MDFIC2: variants seen among roughly 807,000 people sequenced by gnomAD.
MDFIC2 encodes the protein MyoD family inhibitor domain containing 2, also known as myoD family inhibitor domain-containing protein 2.
intron 2 of MDFIC2, among the ~76,000 whole-genome samples, chr3:70,223,879 T>C (rs1227774878): frequency 1.3e-5 from 2 of 152,180 alleles, no homozygotes; most frequent in African/African-American, 4.8e-5. Context: ...TTTATCGTGC[T>C]CTTTCTCTTA....
chr3:70,248,900 T>C (rs959457770), intron 2 of MDFIC2, among the ~76,000 whole-genome samples: 1 of 152,150 alleles, frequency 6.6e-6, no homozygotes, highest in Admixed American at 6.6e-5. Context: ...GTAAATCTAC[T>C]TACCAGGAAA....
At chr3:70,277,191 A>G (rs928682029) in intron 2 of MDFIC2, among the ~76,000 whole-genome samples, 1 of 152,220 alleles carries the variant, frequency 6.6e-6, no homozygotes, top group Admixed American at 6.5e-5. Context: ...AGGCTGGAAC[A>G]ATGAACATAG....
chr3:70,303,108 CT>C (rs1289720812), intron 2 of MDFIC2, among the ~76,000 whole-genome samples: 1 of 152,154 alleles, frequency 6.6e-6, no homozygotes, highest in Admixed American at 6.5e-5. Context: ...ACATTCAGTG[CT>C]TCATCAACAG....
intron 2 of MDFIC2, among the ~76,000 whole-genome samples, chr3:70,306,875 T>C (rs1311905550): frequency 1.3e-5 from 2 of 152,204 alleles, no homozygotes; most frequent in African/African-American, 4.8e-5. Flanking sequence ...GTCTTGACTT[T>C]GCTCATATGT....
At chr3:70,237,945 A>C (rs1338523164) in intron 2 of MDFIC2, among the ~76,000 whole-genome samples, 1 of 147,106 alleles carries the variant, frequency 6.8e-6, no homozygotes, top group Non-Finnish European at 1.5e-5. Flanking sequence ...GATAATCCTA[A>C]AAGAGAAGGG....
At chr3:70,267,862 C>G (rs942469103) in intron 2 of MDFIC2, among the ~76,000 whole-genome samples, 1 of 151,966 alleles carries the variant, frequency 6.6e-6, no homozygotes, top group Non-Finnish European at 1.5e-5. Context: ...ATCCAGATAA[C>G]TTGTTTACCT....
chr3:70,296,983 A>G (rs1173656890), intron 2 of MDFIC2, among the ~76,000 whole-genome samples: 1 of 151,676 alleles, frequency 6.6e-6, no homozygotes. Flanking sequence ...TAATATCCCC[A>G]TGCTCCCCAA....
chr3:70,308,396 A>T (rs1030788778), intron 2 of MDFIC2, among the ~76,000 whole-genome samples: 1 of 152,110 alleles, frequency 6.6e-6, no homozygotes, highest in Non-Finnish European at 1.5e-5. Flanking sequence ...TTATCCGATT[A>T]TCTTAAAAGA....
intron 2 of MDFIC2, among the ~76,000 whole-genome samples, chr3:70,286,529 C>A (rs1264369630): frequency 6.6e-6 from 1 of 151,764 alleles, no homozygotes; most frequent in Non-Finnish European, 1.5e-5. Flanking sequence ...TTAGGATTGA[C>A]TTGGTGATGC....
intron 2 of MDFIC2, among the ~76,000 whole-genome samples, chr3:70,234,946 G>C (rs890792515): frequency 2.6e-5 from 4 of 152,090 alleles, no homozygotes; most frequent in Non-Finnish European, 5.9e-5. Flanking sequence ...TGATTTATTT[G>C]GTCTGGAGTG....
rs965995163 is a variant in MDFIC2 at position 70,195,615 on chromosome 3, C to T, written c.*1311G>A. Among the ~76,000 whole-genome samples, 3 of 152,128 alleles carry T rather than the reference C, an allele frequency of 2.0e-5. No individual in the cohort carries two copies. Among genetic ancestry groups the T allele is most frequent in the Non-Finnish European group, 2.9e-5 (2 of 68,018 alleles). On this transcript the variant is annotated 3_prime_UTR_variant, in exon 4 of 4. Coordinates refer to ENST00000567252, the MANE Select transcript of MDFIC2 (RefSeq NM_001364677.1). ...GCTTTCTTTTGTTGTTGCTGTTTCC[C>T]TAAATTACACACAAAAAAATTCCCT...
At chr3:70,200,049 T>C (rs1701223181) in intron 3 of MDFIC2, among the ~76,000 whole-genome samples, 1 of 152,178 alleles carries the variant, frequency 6.6e-6, no homozygotes, top group Non-Finnish European at 1.5e-5. Flanking sequence ...TTTGTCATTT[T>C]GCTTTTCCTC....
intron 2 of MDFIC2, among the ~76,000 whole-genome samples, chr3:70,275,260 C>T (rs1702012451): frequency 1.3e-5 from 2 of 152,168 alleles, no homozygotes; most frequent in South Asian, 4.1e-4. Flanking sequence ...CAGTGGCTTA[C>T]ACCTGTAATC....
chr3:70,280,835 C>G (rs992143464), intron 2 of MDFIC2, among the ~76,000 whole-genome samples: 1 of 152,124 alleles, frequency 6.6e-6, no homozygotes, highest in African/African-American at 2.4e-5. Flanking sequence ...AGAGACGGTA[C>G]TGCCCCACAC....
chr3:70,250,409 TCTCACA>T (rs1211013901), intron 2 of MDFIC2, among the ~76,000 whole-genome samples: 9,987 of 126,248 alleles, frequency 0.079, 493 homozygotes, highest in East Asian at 0.19. Context: ...TTTTAATGAA[TCTCACA>T]CACACACACA....
intron 2 of MDFIC2, among the ~76,000 whole-genome samples, chr3:70,262,920 C>T (rs1399890833): frequency 6.6e-6 from 1 of 152,136 alleles, no homozygotes; most frequent in Non-Finnish European, 1.5e-5. Flanking sequence ...TGGATAGTTT[C>T]TGTTGCTACA....
At chr3:70,226,367 A>C (rs1701507217) in intron 2 of MDFIC2, among the ~76,000 whole-genome samples, 1 of 152,184 alleles carries the variant, frequency 6.6e-6, no homozygotes, top group Non-Finnish European at 1.5e-5. Flanking sequence ...GTGGATGCAA[A>C]GCCCAGGAAT....
intron 2 of MDFIC2, among the ~76,000 whole-genome samples, chr3:70,276,270 A>G (rs977842819): frequency 6.6e-6 from 1 of 152,278 alleles, no homozygotes; most frequent in East Asian, 1.9e-4. Context: ...TAAAAGCATA[A>G]ATATTATTCT....
At chr3:70,252,104 G>C (rs1159199071) in intron 2 of MDFIC2, among the ~76,000 whole-genome samples, 2 of 152,186 alleles carry the variant, frequency 1.3e-5, no homozygotes, top group Non-Finnish European at 2.9e-5. Flanking sequence ...TGAAGCTGCA[G>C]CTTGAATTCA....
Sources: gnomAD v4.1 joint callset for allele counts (sites outside exome capture counted in the v4.1 genomes callset) on GRCh38, gnomAD v4.1.1 for gene constraint, MANE v1.5 for transcripts, NCBI Gene and HGNC (gene_info 2026-07-23, HGNC 2026-07-21) for gene names.